METTL15: variants seen among roughly 807,000 people sequenced by gnomAD.
The protein encoded by METTL15 is 12S rRNA N(4)-cytidine methyltransferase METTL15.
A neutral mutation model predicts 38.3 loss-of-function variants in METTL15; 34 were observed. The observed-to-expected ratio is 0.89, with a 90% CI of 0.68 to 1.18. The LOEUF (loss-of-function observed/expected upper bound fraction) is 1.18, where lower values mean the gene tolerates loss of function less well. Among genes scored for constraint, METTL15 ranks in the 50% most tolerant of loss-of-function variants. METTL15 has a pLI of 0.00. For missense variants in METTL15, 438 were observed against 498.4 expected, an observed-to-expected ratio of 0.88 and a Z score of 1.15; for synonymous variants, 162 against 170.9, an observed-to-expected ratio of 0.95 and a Z score of 0.41.
intron 6 of METTL15, among the ~76,000 whole-genome samples, chr11:28,504,304 A>C (rs531586932): frequency 9.0e-4 from 137 of 152,254 alleles, no homozygotes; most frequent in African/African-American, 3.2e-3. Flanking sequence ...TGTTGAACAT[A>C]CTACAACTTG....
chr11:28,301,952 A>T (rs2134010267), intron 6 of METTL15, among the ~76,000 whole-genome samples: 1 of 152,222 alleles, frequency 6.6e-6, no homozygotes, highest in East Asian at 1.9e-4. Context: ...TCTGTCACCC[A>T]GGCTGGAGTG....
chr11:28,176,177 T>A (rs1851068514), intron 3 of METTL15, among the ~76,000 whole-genome samples: 1 of 152,042 alleles, frequency 6.6e-6, no homozygotes, highest in Non-Finnish European at 1.5e-5. Flanking sequence ...TTAGAAAATT[T>A]AAAAAATATA....
chr11:28,294,503 T>C (rs1856653864), intron 5 of METTL15, among the ~76,000 whole-genome samples: 1 of 152,182 alleles, frequency 6.6e-6, no homozygotes, highest in Non-Finnish European at 1.5e-5. Flanking sequence ...TTTCAGATTA[T>C]AGTAAGGTTT....
rs541625362 is a variant in METTL15 at position 28,151,997 on chromosome 11, A to G, written c.270+38393A>G. ...TTTGCTTCTGAAATAAAGAAGGTCA[A>G]TTCCCAGCGTGAGTGCCTGGTTTAT... On this transcript the variant is annotated intron_variant, in intron 3 of 6. Transcript: ENST00000407364. 8.5e-5 allele frequency among the ~76,000 whole-genome samples: 13 copies of G among 152,164 alleles called. No homozygotes were observed. The South Asian group carries it at 2.5e-3, about 29-fold the overall frequency.
At chr11:28,414,958 C>T (rs1026365312) in intron 5 of METTL15, among the ~76,000 whole-genome samples, 3 of 152,188 alleles carry the variant, frequency 2.0e-5, no homozygotes, top group African/African-American at 7.2e-5. Flanking sequence ...TGCTGTAGGA[C>T]TAACTGTAGA....
At chr11:28,222,282 C>T (rs1590182273) in intron 4 of METTL15, among the ~76,000 whole-genome samples, 1 of 152,180 alleles carries the variant, frequency 6.6e-6, no homozygotes, top group Non-Finnish European at 1.5e-5. Context: ...CTGGCTGCTC[C>T]CTTGCCGTTT....
At chr11:28,416,409 A>G (rs550644504) in intron 5 of METTL15, among the ~76,000 whole-genome samples, 11 of 152,192 alleles carry the variant, frequency 7.2e-5, no homozygotes, top group Admixed American at 2.0e-4. Context: ...GGTAAAGAAT[A>G]TGGGTCCATG....
chr11:28,486,468 C>A (rs920037771), intron 6 of METTL15, among the ~76,000 whole-genome samples: 4 of 152,010 alleles, frequency 2.6e-5, no homozygotes, highest in African/African-American at 9.7e-5. Context: ...AATTGGCAGG[C>A]CCTGGAGATA....
chr11:28,347,687 C>A (rs1850007289), intron 3 of METTL15, among the ~76,000 whole-genome samples: 1 of 152,182 alleles, frequency 6.6e-6, no homozygotes, highest in African/African-American at 2.4e-5. Context: ...GCTGCAGCTA[C>A]CGTCTTTCTG....
chr11:28,479,344 C>A (rs1431913041), intron 6 of METTL15, among the ~76,000 whole-genome samples: 3 of 152,018 alleles, frequency 2.0e-5, no homozygotes, highest in Non-Finnish European at 2.9e-5. Context: ...GACAGATACC[C>A]AAAAGAGTGA....
intron 5 of METTL15, among the ~76,000 whole-genome samples, chr11:28,368,576 T>C (rs1168893369): frequency 2.0e-5 from 3 of 152,148 alleles, no homozygotes; most frequent in African/African-American, 2.4e-5. Flanking sequence ...AGTTGAACCA[T>C]TGTGGAAGAC....
chr11:28,408,092 T>A (rs920660032), intron 5 of METTL15, among the ~76,000 whole-genome samples: 6 of 151,326 alleles, frequency 4.0e-5, no homozygotes, highest in African/African-American at 1.5e-4. Flanking sequence ...CACTTATAAG[T>A]GGGAGCTGAA....
At chr11:28,296,554 C>T (rs111897135) in intron 5 of METTL15, among the ~76,000 whole-genome samples, 199 bp from the exon 6 acceptor site, 3 of 152,002 alleles carry the variant, frequency 2.0e-5, no homozygotes, top group Admixed American at 1.3e-4. Context: ...TGTTATAAAC[C>T]ATCACCACTT....
intron 5 of METTL15, among the ~76,000 whole-genome samples, chr11:28,378,355 TGGTGCATC>T (rs1046577875): frequency 2.4e-4 from 36 of 152,226 alleles, no homozygotes; most frequent in Non-Finnish European, 3.8e-4. Flanking sequence ...TATAATCTCG[TGGTGCATC>T]GCTTTTTAAG....
chr11:28,523,805 G>A (rs189805163), intron 6 of METTL15, among the ~76,000 whole-genome samples: 1 of 152,294 alleles, frequency 6.6e-6, no homozygotes, highest in African/African-American at 2.4e-5. Context: ...TAACTTGAAG[G>A]CAGAAAATGG....
At chr11:28,514,187 A>G (rs979927022) in intron 6 of METTL15, among the ~76,000 whole-genome samples, 1 of 152,166 alleles carries the variant, frequency 6.6e-6, no homozygotes, top group Non-Finnish European at 1.5e-5. Flanking sequence ...CCCCTTTGAC[A>G]CAGTAATTGT....
chr11:28,199,952 C>T (rs1852048695), intron 3 of METTL15, among the ~76,000 whole-genome samples: 1 of 151,984 alleles, frequency 6.6e-6, no homozygotes, highest in Non-Finnish European at 1.5e-5. Flanking sequence ...CCATGTTGGT[C>T]AGGCTGGTCT....
intron 4 of METTL15, among the ~76,000 whole-genome samples, chr11:28,361,642 CAT>C (rs1554914107): frequency 6.6e-6 from 1 of 151,974 alleles, no homozygotes; most frequent in Non-Finnish European, 1.5e-5. Context: ...CTTTTAATCA[CAT>C]AATTCTTTTC....
intron 6 of METTL15, among the ~76,000 whole-genome samples, chr11:28,430,196 C>A (rs1448805794): frequency 6.6e-6 from 1 of 151,956 alleles, no homozygotes; most frequent in East Asian, 2.0e-4. Flanking sequence ...AGCGTCTCCA[C>A]CCGGCAGCCA....
Sources: gnomAD v4.1 joint callset for allele counts (sites outside exome capture counted in the v4.1 genomes callset) on GRCh38, gnomAD v4.1.1 for gene constraint, MANE v1.5 for transcripts, NCBI Gene and HGNC (gene_info 2026-07-23, HGNC 2026-07-21) for gene names.